Variants in FRMD6 observed in about 807,000 individuals in gnomAD.
FRMD6 encodes FERM domain containing 6, also known as FERM domain-containing protein 6.
A neutral mutation model predicts 73.2 loss-of-function variants in FRMD6; 37 were observed. The ratio of observed to expected loss-of-function variants is 0.51; its 90% CI spans 0.39 to 0.66. FRMD6 has a LOEUF of 0.66. Among genes scored for constraint, FRMD6 ranks in the 30% least tolerant of loss-of-function variants. FRMD6 has a pLI of 0.00. For missense variants in FRMD6, 714 were observed against 780.5 expected, an observed-to-expected ratio of 0.91 and a Z score of 1.02; for synonymous variants, 273 against 282.2, an observed-to-expected ratio of 0.97 and a Z score of 0.33.
chr14:51,486,120 C>T (rs1048046973), upstream of FRMD6, among the ~76,000 whole-genome samples: 2 of 151,726 alleles, frequency 1.3e-5, no homozygotes, highest in Non-Finnish European at 2.9e-5. Flanking sequence ...CTGCAAGCTC[C>T]GCCTCCCGGG....
At chr14:51,589,806 C>T (rs147392803) in intron 2 of FRMD6, among the ~76,000 whole-genome samples, 26 of 152,202 alleles carry the variant, frequency 1.7e-4, no homozygotes, top group Non-Finnish European at 3.2e-4. Flanking sequence ...TGGTGGCTCA[C>T]GCCTGTAATC....
intron 2 of FRMD6, among the ~76,000 whole-genome samples, chr14:51,614,577 CT>C (rs1890637864): frequency 6.6e-6 from 1 of 152,092 alleles, no homozygotes; most frequent in Admixed American, 6.5e-5. Flanking sequence ...TTTGTGGTCT[CT>C]TTTCCCCATG....
chr14:51,569,626 T>C (rs1293883894), intron 1 of FRMD6, among the ~76,000 whole-genome samples: 1 of 148,164 alleles, frequency 6.7e-6, no homozygotes, highest in East Asian at 2.0e-4. Context: ...ACCTCAGCCT[T>C]CCTGGTAGCT....
intron 2 of FRMD6, among the ~76,000 whole-genome samples, chr14:51,591,217 C>A (rs1004024265): frequency 2.0e-5 from 3 of 152,070 alleles, no homozygotes; most frequent in Non-Finnish European, 4.4e-5. Flanking sequence ...AAAGGCAGCC[C>A]TTCTGGAAGT....
At chr14:51,476,532 TCAC>T in the FRMD6 span, among the ~76,000 whole-genome samples, 2 of 152,170 alleles carry the variant, frequency 1.3e-5, no homozygotes, top group Non-Finnish European at 2.9e-5. Flanking sequence ...TGAAGACCCT[TCAC>T]CAATACTCTG....
intron 1 of FRMD6, among the ~76,000 whole-genome samples, chr14:51,661,646 A>G (rs1893225602): frequency 6.6e-6 from 1 of 152,210 alleles, no homozygotes. Context: ...AGAGTGGATC[A>G]GTTAGCTCAC....
the FRMD6 span, among the ~76,000 whole-genome samples, chr14:51,401,438 G>A: frequency 2.6e-5 from 4 of 152,148 alleles, no homozygotes; most frequent in Admixed American, 6.5e-5. Flanking sequence ...AGTTTCCATG[G>A]TTTGGGAGTT....
chr14:51,421,550 C>A, the FRMD6 span, among the ~76,000 whole-genome samples: 1 of 152,120 alleles, frequency 6.6e-6, no homozygotes, highest in Non-Finnish European at 1.5e-5. Flanking sequence ...TAAGGAACTT[C>A]CTGGAGGCAA....
intron 1 of FRMD6, among the ~76,000 whole-genome samples, chr14:51,679,765 A>T (rs748532556): frequency 6.6e-6 from 1 of 152,134 alleles, no homozygotes; most frequent in African/African-American, 2.4e-5. Flanking sequence ...ATAGTTGATT[A>T]ACAGAATTAT....
At chr14:51,480,145 T>G in the FRMD6 span, among the ~76,000 whole-genome samples, 1 of 151,530 alleles carries the variant, frequency 6.6e-6, no homozygotes, top group African/African-American at 2.4e-5. Context: ...GCTTGCAGAG[T>G]GAAGAGTAAG....
chr14:51,563,844 T>C (rs1336507072), intron 1 of FRMD6, among the ~76,000 whole-genome samples: 1 of 152,242 alleles, frequency 6.6e-6, no homozygotes, highest in Non-Finnish European at 1.5e-5. Flanking sequence ...TATTCACTGA[T>C]AGTAAGGTTT....
At chr14:51,555,312 T>G (rs1285168732) in intron 1 of FRMD6, among the ~76,000 whole-genome samples, 1 of 152,246 alleles carries the variant, frequency 6.6e-6, no homozygotes. Context: ...TAGTTCACAT[T>G]GTAAATATAC....
At chr14:51,505,826 G>A (rs955197103) in intron 1 of FRMD6, among the ~76,000 whole-genome samples, 31 of 151,884 alleles carry the variant, frequency 2.0e-4, no homozygotes, top group African/African-American at 7.2e-4. Context: ...CTCTAACCCC[G>A]CACTGCCCAT....
intron 1 of FRMD6, among the ~76,000 whole-genome samples, chr14:51,677,373 A>G (rs1169800865): frequency 1.3e-5 from 2 of 152,062 alleles, no homozygotes; most frequent in Non-Finnish European, 2.9e-5. Flanking sequence ...GTCATTATCT[A>G]GAAAACTGCA....
At chr14:51,638,145 G>A (rs919747041) in intron 2 of FRMD6, among the ~76,000 whole-genome samples, 7 of 152,188 alleles carry the variant, frequency 4.6e-5, no homozygotes, top group Non-Finnish European at 8.8e-5. Flanking sequence ...TTAGTTGAGT[G>A]TGGTTGCATA....
At chr14:51,489,870 C>T (rs770410929) in intron 1 of FRMD6, among the ~76,000 whole-genome samples, 50 of 152,114 alleles carry the variant, frequency 3.3e-4, no homozygotes, top group Non-Finnish European at 6.6e-4. Context: ...TTCAAGAGCC[C>T]AACAATGACT....
At chr14:51,445,613 T>C in the FRMD6 span, among the ~76,000 whole-genome samples, 1 of 152,216 alleles carries the variant, frequency 6.6e-6, no homozygotes, top group Non-Finnish European at 1.5e-5. Flanking sequence ...TGCTTAAAGA[T>C]TTGATACCTG....
the FRMD6 span, among the ~76,000 whole-genome samples, chr14:51,433,008 A>T: frequency 6.6e-6 from 1 of 152,250 alleles, no homozygotes; most frequent in Non-Finnish European, 1.5e-5. Context: ...CAATTAAAAC[A>T]ACACTGAGAT....
At chr14:51,566,986 A>G (rs1212933188) in intron 1 of FRMD6, among the ~76,000 whole-genome samples, 1 of 152,188 alleles carries the variant, frequency 6.6e-6, no homozygotes, top group African/African-American at 2.4e-5. Flanking sequence ...AATGCCCACA[A>G]GAGCCAGACA....
Sources: allele counts gnomAD v4.1 joint callset (sites outside exome capture counted in the v4.1 genomes callset), GRCh38; gene constraint gnomAD v4.1.1; transcripts MANE v1.5; gene names NCBI Gene and HGNC (gene_info 2026-07-23, HGNC 2026-07-21).